The following PKP4 variants were observed in gnomAD, a reference collection of about 807,000 sequenced individuals.
PKP4 encodes the protein plakophilin-4.
In PKP4, 90 loss-of-function variants were observed where a neutral mutation model predicts 145.1. That is an observed-to-expected ratio of 0.62 (90% CI 0.52 to 0.74). PKP4 has a LOEUF of 0.74. Ranked by LOEUF, PKP4 falls within the 30% of genes least tolerant of loss-of-function variation. PKP4 has a pLI of 0.00. For synonymous variants in PKP4, 563 were observed against 577.2 expected (o/e 0.98, Z 0.35); for missense variants, 1,340 against 1,482.7 (o/e 0.90, Z 1.58).
intron 1 of PKP4, among the ~76,000 whole-genome samples, chr2:158,500,594 A>G (rs188941268): frequency 5.1e-4 from 78 of 152,270 alleles, no homozygotes; most frequent in African/African-American, 1.8e-3. Context: ...TTCTTCCACA[A>G]GTTTCTTCCA....
chr2:158,658,452 T>C (rs1374892076), intron 12 of PKP4, 138 bp downstream of exon 12: 1 of 573,430 alleles, frequency 1.7e-6, no homozygotes, highest in African/African-American at 1.9e-5. Context: ...CCACTGGACT[T>C]TGTTATTCTG....
chr2:158,467,737 A>G (rs1260419476), intron 1 of PKP4, among the ~76,000 whole-genome samples: 1 of 151,952 alleles, frequency 6.6e-6, no homozygotes, highest in African/African-American at 2.4e-5. Flanking sequence ...GTCTCAGGTA[A>G]TTGGGAAGCT....
chr2:158,673,828 G>A (rs550441925), intron 18 of PKP4, 55 bp from the exon 19 acceptor site: 1 of 1,450,284 alleles, frequency 6.9e-7, no homozygotes, highest in African/African-American at 1.4e-5. Flanking sequence ...ATCATTTATT[G>A]TAATGAAATG....
intron 1 of PKP4, among the ~76,000 whole-genome samples, chr2:158,494,722 T>TA (rs1449401984): frequency 6.6e-6 from 1 of 152,220 alleles, no homozygotes; most frequent in African/African-American, 2.4e-5. Flanking sequence ...TATAACCAAA[T>TA]AGAGATTTTA....
rs2053616712 is a variant in PKP4 at position 158,634,104 on chromosome 2, A to G, written c.1377A>G (p.Gln459=). Residue 459 remains glutamine (Q), a synonymous_variant, in exon 9 of 22, where the codon CAA becomes CAG. Transcript: ENST00000389759. ...GIGNLQRTSS[Q]RSTLTYQRNN... ...GAAATCTACAAAGGACATCCAGCCA[A>G]CGAAGTACCCTTACATACCAAAGAA... is the stretch of plus-strand genomic sequence containing the variant. 7.4e-6 allele frequency: 12 copies of G among 1,613,844 alleles called. No homozygotes were observed. Among genetic ancestry groups the G allele is most frequent in the Middle Eastern group, 1.6e-4 (1 of 6,062 alleles).
intron 1 of PKP4, among the ~76,000 whole-genome samples, chr2:158,521,520 C>A (rs991673814): frequency 2.0e-5 from 3 of 152,136 alleles, no homozygotes; most frequent in African/African-American, 4.8e-5. Context: ...TAAACAAATT[C>A]TTGCCAAGAA....
At chr2:158,461,917 T>G (rs1024757917) in intron 1 of PKP4, among the ~76,000 whole-genome samples, 1 of 152,166 alleles carries the variant, frequency 6.6e-6, no homozygotes, top group African/African-American at 2.4e-5. Context: ...GTACATAAAA[T>G]GTAGACATTG....
At chr2:158,667,084 CACA>C (rs376502694) in intron 16 of PKP4, among the ~76,000 whole-genome samples, 15 of 152,284 alleles carry the variant, frequency 9.9e-5, no homozygotes, top group African/African-American at 3.4e-4. Context: ...GCGCCAAAGG[CACA>C]ACATTTTAGG....
intron 2 of PKP4, among the ~76,000 whole-genome samples, chr2:158,564,694 A>T (rs780247201): frequency 6.6e-6 from 1 of 152,224 alleles, no homozygotes; most frequent in Non-Finnish European, 1.5e-5. Context: ...GTATGATGAA[A>T]AATGACATCT....
chr2:158,531,650 A>G (rs946905908), intron 1 of PKP4, among the ~76,000 whole-genome samples: 1 of 152,218 alleles, frequency 6.6e-6, no homozygotes, highest in Non-Finnish European at 1.5e-5. Flanking sequence ...TACATTGTAT[A>G]AAGAACTAGC....
intron 1 of PKP4, among the ~76,000 whole-genome samples, chr2:158,512,249 A>C (rs1369473545): frequency 6.6e-6 from 1 of 152,244 alleles, no homozygotes; most frequent in African/African-American, 2.4e-5. Flanking sequence ...CTTTAGGTGA[A>C]ATGGAAATAA....
intron 3 of PKP4, among the ~76,000 whole-genome samples, chr2:158,599,617 G>A (rs975944161): frequency 6.6e-6 from 1 of 152,158 alleles, no homozygotes; most frequent in Non-Finnish European, 1.5e-5. Context: ...TTAGTTTTAG[G>A]ATAACATCAG....
At chr2:158,671,993 A>G (rs904412627) in intron 17 of PKP4, among the ~76,000 whole-genome samples, 4 of 152,044 alleles carry the variant, frequency 2.6e-5, no homozygotes, top group Non-Finnish European at 5.9e-5. Flanking sequence ...AAGCTAGAGG[A>G]CCTTGTGTGC....
intron 7 of PKP4, 72 bp downstream of exon 7, chr2:158,625,499 G>T: frequency 1.6e-6 from 2 of 1,259,172 alleles, no homozygotes; most frequent in Non-Finnish European, 2.2e-6. Context: ...TTGAAACAAA[G>T]AATGAAAAGG....
chr2:158,676,265 A>G (rs1233559177), intron 19 of PKP4, among the ~76,000 whole-genome samples: 2 of 152,254 alleles, frequency 1.3e-5, no homozygotes, highest in Non-Finnish European at 2.9e-5. Context: ...AGAAATCAAA[A>G]CATGCCATAA....
At chr2:158,671,044 T>G (rs16843193) in intron 17 of PKP4, among the ~76,000 whole-genome samples, 10,979 of 152,178 alleles carry the variant, frequency 0.072, 947 homozygotes, top group African/African-American at 0.19. Flanking sequence ...TGATTTCCCC[T>G]TGCTGTGGAA....
intron 8 of PKP4, 107 bp from the exon 9 acceptor site, chr2:158,633,963 A>G (rs2053606215): frequency 4.6e-6 from 3 of 653,552 alleles, no homozygotes; most frequent in South Asian, 2.2e-5. Flanking sequence ...AGCGATTTAT[A>G]TAATTGCCAA....
At chr2:158,488,101 T>G (rs567403790) in intron 1 of PKP4, among the ~76,000 whole-genome samples, 53 of 152,344 alleles carry the variant, frequency 3.5e-4, no homozygotes, top group African/African-American at 1.3e-3. Context: ...TGCCACCTAC[T>G]AAATTGTTTA....
At chr2:158,540,203 T>C (rs1461282640) in intron 2 of PKP4, among the ~76,000 whole-genome samples, 3 of 152,232 alleles carry the variant, frequency 2.0e-5, no homozygotes, top group Admixed American at 2.0e-4. Flanking sequence ...TTTGTTCTCT[T>C]TGATTTCATC....
Sources: gnomAD v4.1 joint callset for allele counts (sites outside exome capture counted in the v4.1 genomes callset) on GRCh38, gnomAD v4.1.1 for gene constraint, MANE v1.5 for transcripts, NCBI Gene and HGNC (gene_info 2026-07-23, HGNC 2026-07-21) for gene names.